Variants in COL25A1 observed in about 807,000 individuals in gnomAD.
COL25A1 encodes the protein collagen alpha-1(XXV) chain.
Under a neutral mutation model 128.4 loss-of-function variants are expected in COL25A1, and 103 were observed. The ratio of observed to expected loss-of-function variants is 0.80; its 90% CI spans 0.68 to 0.94. COL25A1 has a LOEUF of 0.94. Ranked by LOEUF, COL25A1 falls within the 40% of genes least tolerant of loss-of-function variation. COL25A1 has a pLI of 0.00. For missense variants in COL25A1, 745 were observed against 840.0 expected (o/e 0.89, Z 1.40); for synonymous variants, 279 against 277.2 (o/e 1.01, Z -0.06).
At chr4:108,932,106 G>A (rs887675606) in intron 11 of COL25A1, among the ~76,000 whole-genome samples, 6 of 152,182 alleles carry the variant, frequency 3.9e-5, no homozygotes, top group Non-Finnish European at 8.8e-5. Context: ...AAATCAGGAA[G>A]TCTGCTGTTG....
chr4:109,103,424 C>CA (rs1189641113), intron 3 of COL25A1, among the ~76,000 whole-genome samples: 2 of 152,108 alleles, frequency 1.3e-5, no homozygotes, highest in African/African-American at 2.4e-5. Flanking sequence ...CTGTGTTAGT[C>CA]AATTATTCCA....
intron 3 of COL25A1, among the ~76,000 whole-genome samples, chr4:109,108,395 A>G (rs10029483): frequency 0.21 from 31,804 of 151,380 alleles, 3,976 homozygotes; most frequent in East Asian, 0.39. Flanking sequence ...ATTCCATGGT[A>G]TATATGTGCC....
At chr4:109,082,100 G>A (rs912611012) in intron 3 of COL25A1, among the ~76,000 whole-genome samples, 3 of 152,092 alleles carry the variant, frequency 2.0e-5, no homozygotes, top group African/African-American at 4.8e-5. Flanking sequence ...CTAGCATAAC[G>A]TTTCAAGATT....
intron 3 of COL25A1, among the ~76,000 whole-genome samples, chr4:109,208,229 A>C (rs914523099): frequency 6.6e-6 from 1 of 152,212 alleles, no homozygotes; most frequent in Non-Finnish European, 1.5e-5. Flanking sequence ...GACTTAAGGA[A>C]TGAGTTCCAT....
intron 19 of COL25A1, among the ~76,000 whole-genome samples, chr4:108,869,803 C>T (rs1399922164): frequency 6.6e-6 from 1 of 152,144 alleles, no homozygotes; most frequent in Non-Finnish European, 1.5e-5. Context: ...GCTTTGTTCT[C>T]AGTTCCTGTT....
At chr4:108,952,831 C>CTTTTTTTTTTTT (rs59761040) in intron 8 of COL25A1, among the ~76,000 whole-genome samples, 8 of 66,956 alleles carry the variant, frequency 1.2e-4, no homozygotes, top group Admixed American at 2.2e-4. Context: ...AAAAACTCAA[C>CTTTTTTTTTTTT]TTTTTTTTTT....
chr4:109,269,303 A>C (rs565145676), intron 3 of COL25A1, among the ~76,000 whole-genome samples: 1 of 151,382 alleles, frequency 6.6e-6, no homozygotes, highest in African/African-American at 2.4e-5. Flanking sequence ...TGGTGTATAT[A>C]TGCCACATTT....
intron 12 of COL25A1, among the ~76,000 whole-genome samples, chr4:108,919,977 G>A (rs896873949): frequency 2.6e-5 from 4 of 152,042 alleles, no homozygotes; most frequent in African/African-American, 9.7e-5. Flanking sequence ...GGTCAGGCTG[G>A]TCTCTAACTC....
intron 3 of COL25A1, among the ~76,000 whole-genome samples, chr4:109,286,262 C>A (rs1371539357): frequency 1.3e-5 from 2 of 152,130 alleles, no homozygotes; most frequent in Non-Finnish European, 2.9e-5. Flanking sequence ...TGCATGGAAT[C>A]ATTTAATAAT....
intron 3 of COL25A1, among the ~76,000 whole-genome samples, chr4:109,288,929 T>G (rs2126282629): frequency 7.0e-6 from 1 of 143,288 alleles, no homozygotes; most frequent in African/African-American, 2.6e-5. Flanking sequence ...TAATAAACAA[T>G]CATCATTACT....
intron 29 of COL25A1, 148 bp from the exon 30 acceptor site, chr4:108,844,717 A>G: frequency 1.7e-6 from 2 of 1,197,898 alleles, no homozygotes; most frequent in Middle Eastern, 2.1e-4. Flanking sequence ...GATTCTCTAG[A>G]TGTAGAAATT....
At chr4:109,261,077 C>A (rs58478963) in intron 3 of COL25A1, among the ~76,000 whole-genome samples, 5,588 of 152,126 alleles carry the variant, frequency 0.037, 343 homozygotes, top group African/African-American at 0.13. Context: ...CTTAAGCAGC[C>A]TTACTTCAAA....
chr4:109,025,865 A>C (rs896216933), intron 5 of COL25A1, among the ~76,000 whole-genome samples: 5 of 152,156 alleles, frequency 3.3e-5, no homozygotes, highest in African/African-American at 1.2e-4. Context: ...CAAGTTTCAG[A>C]GAGGTTAAAT....
chr4:109,257,316 TTCTTA>T (rs1418981734), intron 3 of COL25A1, among the ~76,000 whole-genome samples: 2 of 152,208 alleles, frequency 1.3e-5, no homozygotes, highest in African/African-American at 4.8e-5. Context: ...CTCTTTGTAG[TTCTTA>T]TCTTATATTT....
At chr4:109,110,822 A>G (rs1211716526) in intron 3 of COL25A1, among the ~76,000 whole-genome samples, 1 of 152,102 alleles carries the variant, frequency 6.6e-6, no homozygotes, top group Non-Finnish European at 1.5e-5. Context: ...GAGAACATAT[A>G]TTTCCCTTTC....
At chr4:109,274,460 A>T (rs1041377148) in intron 3 of COL25A1, among the ~76,000 whole-genome samples, 4 of 152,160 alleles carry the variant, frequency 2.6e-5, no homozygotes, top group South Asian at 2.1e-4. Context: ...CTATGGAAAG[A>T]TTATTTATTT....
At chr4:108,994,710 A>G (rs1222476164) in intron 6 of COL25A1, among the ~76,000 whole-genome samples, 2 of 152,178 alleles carry the variant, frequency 1.3e-5, no homozygotes, top group Non-Finnish European at 2.9e-5. Flanking sequence ...ATCTCCCAGT[A>G]GGGGCCGACA....
intron 3 of COL25A1, among the ~76,000 whole-genome samples, chr4:109,119,538 T>C (rs959476051): frequency 6.6e-6 from 1 of 152,012 alleles, no homozygotes; most frequent in Non-Finnish European, 1.5e-5. Flanking sequence ...AAGAATACTA[T>C]GAACAGCTCT....
At chr4:109,145,242 T>C (rs985538910) in intron 3 of COL25A1, among the ~76,000 whole-genome samples, 2 of 152,042 alleles carry the variant, frequency 1.3e-5, no homozygotes, top group Non-Finnish European at 2.9e-5. Context: ...TAATTTATTG[T>C]ATTTTTAGTA....
Sources: allele counts gnomAD v4.1 joint callset (sites outside exome capture counted in the v4.1 genomes callset), GRCh38; gene constraint gnomAD v4.1.1; transcripts MANE v1.5; gene names NCBI Gene and HGNC (gene_info 2026-07-23, HGNC 2026-07-21).